Variants in MDN1 observed in about 807,000 individuals in gnomAD.
MDN1 encodes midasin AAA ATPase 1, also known as midasin.
In MDN1, 266 loss-of-function variants were observed where a neutral mutation model predicts 669.2. The observed-to-expected ratio is 0.40, with a 90% CI of 0.36 to 0.44. MDN1 has a LOEUF of 0.44. Ranked by LOEUF, MDN1 falls within the 20% of genes least tolerant of loss-of-function variation. The pLI is 1.00. For synonymous variants in MDN1, 2,385 were observed against 2,457.1 expected (o/e 0.97, Z 0.87); for missense variants, 5,940 against 6,754.0 (o/e 0.88, Z 4.22).
intron 1 of MDN1, chr6:89,815,551 T>A (rs529912889): frequency 1.6e-5 from 4 of 248,948 alleles, no homozygotes; most frequent in Non-Finnish European, 2.4e-5. Flanking sequence ...AGAGCCCCCC[T>A]GCTCCAGCCA....
chr6:89,778,203 TAAAA>T (rs71556528), intron 11 of MDN1, among the ~76,000 whole-genome samples: 2 of 136,828 alleles, frequency 1.5e-5, no homozygotes, highest in African/African-American at 5.4e-5. Context: ...TCTCAACTAA[TAAAA>T]AAAAAAAAAA....
At chr6:89,677,186 G>A (rs955913531) in intron 76 of MDN1, among the ~76,000 whole-genome samples, 1 of 152,042 alleles carries the variant, frequency 6.6e-6, no homozygotes, top group African/African-American at 2.4e-5. Flanking sequence ...CCACCTCCCA[G>A]GTTCAAGTGA....
At chr6:89,738,695 CTAAG>C (rs1335011929) in intron 32 of MDN1, among the ~76,000 whole-genome samples, 1 of 152,160 alleles carries the variant, frequency 6.6e-6, no homozygotes, top group Non-Finnish European at 1.5e-5. Context: ...GCCTTACAGA[CTAAG>C]TGGTGGAAGC....
chr6:89,706,442 T>C (rs958870846), intron 52 of MDN1, among the ~76,000 whole-genome samples: 1 of 152,130 alleles, frequency 6.6e-6, no homozygotes, highest in African/African-American at 2.4e-5. Context: ...TGCATATACA[T>C]AATGAGGTAT....
At position 89,666,336 on chromosome 6, in the gene MDN1, G is replaced by A. The variant is rs767861314; in HGVS notation, c.14094+1678C>T. Among the ~76,000 whole-genome samples, 18 of 152,236 alleles carry A rather than the reference G, an allele frequency of 1.2e-4. No individual in the cohort carries two copies. In the South Asian group the frequency reaches 2.1e-3, roughly 18 times the overall value. ...GCTGTAGTGCAATGGCACGATCTTGGCCCACTGCAACCTCTGCCTCCCAGG... is the reference window on the plus strand; with the variant it reads ...GCTGTAGTGCAATGGCACGATCTTGACCCACTGCAACCTCTGCCTCCCAGG... On this transcript the variant is annotated intron_variant, in intron 84 of 101. Coordinates refer to ENST00000369393, the MANE Select transcript of MDN1 (RefSeq NM_014611.3).
chr6:89,803,682 T>C (rs951214449), intron 1 of MDN1, 128 bp from the exon 2 acceptor site: 3 of 701,970 alleles, frequency 4.3e-6, no homozygotes, highest in African/African-American at 3.6e-5. Flanking sequence ...CCCGGGTTCA[T>C]GCCATTCTCC....
Position 89,696,583 on chromosome 6 carries a change from CAAGAG to C in MDN1, c.9169-14_9169-10del. 1 of 1,603,658 alleles carries C rather than the reference CAAGAG, an allele frequency of 6.2e-7. No individual in the cohort carries two copies. Among genetic ancestry groups the C allele is most frequent in the Admixed American group, 1.7e-5 (1 of 59,980 alleles). Reference sequence around the variant, plus strand: ...TTGAGATTGCCGGGGCCCTAAAGGACAAGAGAAGAGTCAATAACTTTTAGAAATTA... The same window carrying C: ...TTGAGATTGCCGGGGCCCTAAAGGACAAGAGTCAATAACTTTTAGAAATTA... On this transcript the variant is annotated splice_polypyrimidine_tract_variant and intron_variant, in intron 59 of 101. Coordinates refer to ENST00000369393, the MANE Select transcript of MDN1 (RefSeq NM_014611.3).
chr6:89,688,179 G>A lies in MDN1; in HGVS notation c.11260-6C>T. On this transcript the variant is annotated splice_region_variant and splice_polypyrimidine_tract_variant and intron_variant, in intron 66 of 101. Transcript: ENST00000369393. ...CTGTCCATTACAACCAGGAGCTGCA[G>A]AAATAAAGATTTGGGTATCTCAGTA... 6.2e-7 allele frequency: 1 copy of A among 1,612,462 alleles called. No individual in the cohort carries two copies. The highest frequency in any genetic ancestry group is 8.5e-7 in the Non-Finnish European group (1 of 1,178,634).
chr6:89,657,666 T>C (rs1307832181), intron 90 of MDN1, among the ~76,000 whole-genome samples: 1 of 152,222 alleles, frequency 6.6e-6, no homozygotes, highest in African/African-American at 2.4e-5. Context: ...AACTTTTTCT[T>C]ATTATGCACA....
chr6:89,656,055 G>C, intron 91 of MDN1, 87 bp from the exon 92 acceptor site: 3 of 1,190,384 alleles, frequency 2.5e-6, no homozygotes, highest in Non-Finnish European at 2.4e-6. Flanking sequence ...ATAGGGGACA[G>C]GATAAGTAAA....
chr6:89,757,275 G>T (rs1027330460), intron 19 of MDN1, among the ~76,000 whole-genome samples: 4 of 152,056 alleles, frequency 2.6e-5, no homozygotes, highest in African/African-American at 9.7e-5. Flanking sequence ...GCTTAGTGGC[G>T]AAAAATAAAA....
intron 83 of MDN1, among the ~76,000 whole-genome samples, chr6:89,670,170 A>ATATATTTTTT (rs1444537561): frequency 1.1e-3 from 26 of 23,402 alleles, no homozygotes; most frequent in South Asian, 4.6e-3. Context: ...ATATATATAT[A>ATATATTTTTT]TTTTTTTTTT....
Position 89,718,473 on chromosome 6 carries a change from A to C in MDN1, c.6476T>G (p.Leu2159Arg), listed in dbSNP as rs755206739. 1 of 1,614,126 alleles carries C rather than the reference A, an allele frequency of 6.2e-7. No homozygotes were observed. Among genetic ancestry groups the C allele is most frequent in the Admixed American group, 1.7e-5 (1 of 60,018 alleles). Residue 2159 changes from leucine (L) to arginine (R), a missense_variant, in exon 43 of 102, where the codon CTT becomes CGT. Physicochemically the swap from Leu to Arg is moderately radical, Grantham distance 102. Around this residue, in one of 5 missense-constraint regions of MDN1, gnomAD observed 2,292 missense variants for 2,638.3 expected, o/e 0.87. Transcript: ENST00000369393. The stretch of plus-strand genomic sequence containing the variant: ...CGTGATAGCTTTACCACCTTCTCCA[A>C]GACACTTAGGCTTATATGTCAGAAG... ...HFLLTYKPKC[L>R]GEGGKAITME...
chr6:89,759,471 G>A (rs1048586365), intron 17 of MDN1, among the ~76,000 whole-genome samples: 1 of 152,130 alleles, frequency 6.6e-6, no homozygotes, highest in African/African-American at 2.4e-5. Flanking sequence ...ATCCTATTAA[G>A]AATAATTCTG....
At chr6:89,726,837 C>G (rs535945241) in intron 37 of MDN1, among the ~76,000 whole-genome samples, 4 of 152,220 alleles carry the variant, frequency 2.6e-5, no homozygotes, top group South Asian at 4.2e-4. Flanking sequence ...TCAGAGCACA[C>G]TACATTAGAA....
Position 89,718,987 on chromosome 6 carries a change from G to A in MDN1, c.6101C>T (p.Pro2034Leu), listed in dbSNP as rs760523007. Residue 2034 changes from proline (P) to leucine (L), a missense_variant, in exon 42 of 102, where the codon CCG becomes CTG. Pro to Leu is a moderately conservative substitution (Grantham distance 98). Around this residue, in one of 5 missense-constraint regions of MDN1, gnomAD observed 2,292 missense variants for 2,638.3 expected, o/e 0.87. Transcript: ENST00000369393. ...CAGGAGCAACAGGGGATGGCGGGAC[G>A]GGTGAGGAACACAGCTCCCACGGGA... ...VLSRGSCVPH[P>L]SRHPLLLLHQ... The A allele has an allele frequency of 9.3e-6, 15 of 1,614,024 alleles. No individual in the cohort carries two copies. Among genetic ancestry groups the A allele is most frequent in the Non-Finnish European group, 1.3e-5 (15 of 1,180,026 alleles).
At chr6:89,691,353 A>G (rs1306489581) in intron 63 of MDN1, among the ~76,000 whole-genome samples, 1 of 152,240 alleles carries the variant, frequency 6.6e-6, no homozygotes, top group Non-Finnish European at 1.5e-5. Flanking sequence ...ACTGGCAAAA[A>G]TTCTAACTTA....
chr6:89,750,544 T>C lies in MDN1; in HGVS notation c.3228-12A>G, dbSNP rs367765461. 5 of 1,592,380 alleles carry C rather than the reference T, an allele frequency of 3.1e-6. No individual in the cohort carries two copies. Among genetic ancestry groups the C allele is most frequent in the African/African-American group, 1.3e-5 (1 of 74,472 alleles). ...GCACTGGATAGGTTCTGTAAAAGATTAGCCAATTAAGCAACTTAAAACAAC... is the reference window on the plus strand; with the variant it reads ...GCACTGGATAGGTTCTGTAAAAGATCAGCCAATTAAGCAACTTAAAACAAC... On this transcript the variant is annotated splice_polypyrimidine_tract_variant and intron_variant, in intron 23 of 101. Transcript: ENST00000369393.
Position 89,694,151 on chromosome 6 carries a change from C to T in MDN1, c.9804G>A (p.Arg3268=). The T allele has an allele frequency of 6.2e-7, 1 of 1,614,156 alleles. No individual in the cohort carries two copies. The highest frequency in any genetic ancestry group is 8.5e-7 in the Non-Finnish European group (1 of 1,180,016). ...CAGTCTGCAGCTGGGATGACAGGTTCCGGGTCTTCCATTCACACTGCAGTT... is the reference window on the plus strand; with the variant it reads ...CAGTCTGCAGCTGGGATGACAGGTTTCGGGTCTTCCATTCACACTGCAGTT... ...LHQLQCEWKT[R]NLSSQLQTGR... The change falls in exon 62 of 102, where the codon CGG becomes CGA. Residue 3268 remains arginine (R), a synonymous_variant. Coordinates refer to ENST00000369393, the MANE Select transcript of MDN1 (RefSeq NM_014611.3).
Sources: gnomAD v4.1 joint callset for allele counts (sites outside exome capture counted in the v4.1 genomes callset) on GRCh38, gnomAD v4.1.1 for gene constraint, gnomAD v4.1.1 regional missense constraint, MANE v1.5 for transcripts, NCBI Gene and HGNC (gene_info 2026-07-23, HGNC 2026-07-21) for gene names.